Variants in NCOA3 observed in about 807,000 individuals in gnomAD.
NCOA3 encodes CBP-interacting protein.
In NCOA3, 51 loss-of-function variants were observed where a neutral mutation model predicts 158.8. That is an observed-to-expected ratio of 0.32 (90% CI 0.26 to 0.41). The LOEUF (loss-of-function observed/expected upper bound fraction) is 0.41, where lower values mean the gene tolerates loss of function less well. NCOA3 is among the 10% of genes least tolerant of loss of function. NCOA3 has a pLI of 1.00. For synonymous variants in NCOA3, 537 were observed against 592.4 expected, an observed-to-expected ratio of 0.91 and a Z score of 1.36; for missense variants, 1,510 against 1,746.6, an observed-to-expected ratio of 0.86 and a Z score of 2.41.
chr20:47,623,231 C>T (rs2086269858), intron 3 of NCOA3, among the ~76,000 whole-genome samples: 1 of 152,146 alleles, frequency 6.6e-6, no homozygotes. Context: ...AAATATCAAT[C>T]TACAATGAAT....
At chr20:47,571,013 T>C (rs2085286827) in intron 1 of NCOA3, among the ~76,000 whole-genome samples, 1 of 147,198 alleles carries the variant, frequency 6.8e-6, no homozygotes, top group African/African-American at 2.5e-5. Flanking sequence ...TATATACATT[T>C]TTTTTTTCCC....
intron 1 of NCOA3, among the ~76,000 whole-genome samples, chr20:47,534,117 G>A (rs2425945): frequency 0.15 from 22,867 of 149,084 alleles, 2,813 homozygotes; most frequent in African/African-American, 0.33. Flanking sequence ...TGGGGGGGGC[G>A]GGGGGTGAAG....
rs2085160857 is a variant in NCOA3, at chr20:47,564,520, A to G, written c.-98-18663A>G. ...ATCAAGTTGGAGTTTATATTCCCCT[A>G]TTGATGGTCATTATTTATTTCTCCT... On this transcript the variant is annotated intron_variant, in intron 1 of 22. Coordinates refer to ENST00000371998, the MANE Select transcript of NCOA3 (RefSeq NM_181659.3). 4.0e-5 allele frequency among the ~76,000 whole-genome samples: 6 copies of G among 149,992 alleles called. No individual in the cohort carries two copies. In the South Asian group the frequency reaches 1.1e-3, roughly 27 times the overall value.
intron 1 of NCOA3, among the ~76,000 whole-genome samples, chr20:47,502,499 G>A: frequency 6.6e-6 from 1 of 152,116 alleles, no homozygotes; most frequent in East Asian, 1.9e-4. Context: ...AGCCGGGTGA[G>A]ATTTGGTTGC....
Position 47,642,281 on chromosome 20 carries a change from A to G in NCOA3, c.3149A>G (p.Glu1050Gly), listed in dbSNP as rs780635900. The G allele has an allele frequency of 8.1e-6, 13 of 1,613,196 alleles. No individual in the cohort carries two copies. The highest frequency in any genetic ancestry group is 1.1e-5 in the Non-Finnish European group (13 of 1,179,806). The change falls in exon 17 of 23, where the codon GAA (glutamate) becomes GGA (glycine). Residue 1050 changes from glutamate (E) to glycine (G), a missense_variant. Glu to Gly is a moderately conservative substitution (Grantham distance 98, BLOSUM62 -2). This residue lies in a region of NCOA3 where 1,017 missense variants were observed against 1,098.3 expected (regional missense o/e 0.93). Coordinates refer to ENST00000371998, the MANE Select transcript of NCOA3 (RefSeq NM_181659.3). ...TCCAACCTGGAAGGCCAGAGTGACG[A>G]AAGAGCATTATTGGACCAGCTGCAC... ...PPSNLEGQSDERALLDQLHTL... is the reference protein window; with the variant it reads ...PPSNLEGQSDGRALLDQLHTL...
At chr20:47,599,733 C>T (rs1192193385) in intron 2 of NCOA3, among the ~76,000 whole-genome samples, 2 of 152,160 alleles carry the variant, frequency 1.3e-5, no homozygotes, top group African/African-American at 4.8e-5. Context: ...TTTTAAAAAA[C>T]CTTATTCAGT....
chr20:47,509,780 T>C (rs1390290064), intron 1 of NCOA3, among the ~76,000 whole-genome samples: 3 of 152,210 alleles, frequency 2.0e-5, no homozygotes, highest in Non-Finnish European at 4.4e-5. Context: ...TTGAAAATGT[T>C]ATAAGAGTTA....
At chr20:47,601,231 C>T (rs2085857345) in intron 2 of NCOA3, among the ~76,000 whole-genome samples, 1 of 152,156 alleles carries the variant, frequency 6.6e-6, no homozygotes, top group Admixed American at 6.5e-5. Context: ...TTTGTAACAA[C>T]CCACTCTTTA....
rs978464034 is a variant in NCOA3, at chr20:47,511,546, T to C, written c.-99+9527T>C. ...CGAGATATATATATATATATATATA[T>C]ATATATATATTTCTTTTTTTTTTTG... On this transcript the variant is annotated intron_variant, in intron 1 of 22. Coordinates refer to ENST00000371998, the MANE Select transcript of NCOA3 (RefSeq NM_181659.3). Among the ~76,000 whole-genome samples, 32 of 29,174 alleles carry C rather than the reference T, an allele frequency of 1.1e-3. 2 individuals are homozygous for C. Among genetic ancestry groups the C allele is most frequent in the African/African-American group, 1.5e-3 (24 of 15,500 alleles). 19.1% of individuals were successfully genotyped at this position (29,174 alleles called of 152,430 possible).
intron 1 of NCOA3, among the ~76,000 whole-genome samples, chr20:47,542,398 A>G (rs2084758757): frequency 6.6e-6 from 1 of 151,920 alleles, no homozygotes; most frequent in Non-Finnish European, 1.5e-5. Context: ...GTGGTTTTTC[A>G]GTGTGTCCTC....
rs571701504 is a variant in NCOA3 at position 47,522,132 on chromosome 20, T to G, written c.-99+20113T>G. Among the ~76,000 whole-genome samples, 33 of 117,398 alleles carry G rather than the reference T, an allele frequency of 2.8e-4. 1 individual carries two copies. In the East Asian group the frequency reaches 6.5e-3, roughly 23 times the overall value. 77.0% of individuals were successfully genotyped at this position (117,398 alleles called of 152,430 possible). On this transcript the variant is annotated intron_variant, in intron 1 of 22. Transcript: ENST00000371998. ...TTTTTTTTTTTTTTTTGAGACGGAG[T>G]CTTGCTGTCTCCTAGGCTGGAGTGC... is the stretch of plus-strand genomic sequence containing the variant.
In NCOA3 at chr20:47,628,023, G is replaced by A; in HGVS notation, c.823G>A (p.Gly275Arg). Residue 275 changes from glycine (G) to arginine (R), a missense_variant and splice_region_variant, in exon 8 of 23, where the codon GGA becomes AGA. Gly to Arg is a moderately radical substitution (Grantham distance 125). Around this residue, in one of 4 missense-constraint regions of NCOA3, gnomAD observed 309 missense variants for 427.1 expected, o/e 0.72. Coordinates refer to ENST00000371998, the MANE Select transcript of NCOA3 (RefSeq NM_181659.3). ...CTTTATTACCAGACATGATCTTTCA[G>A]GTAAAAACTCTTTTTTTGTCTCTCT... is the stretch of plus-strand genomic sequence containing the variant. ...ESFITRHDLSGKVVNIDTNSL... is the reference protein window; with the variant it reads ...ESFITRHDLSRKVVNIDTNSL... The A allele has an allele frequency of 6.2e-7, 1 of 1,609,668 alleles. No homozygotes were observed. The highest frequency in any genetic ancestry group is 8.5e-7 in the Non-Finnish European group (1 of 1,176,266).
At chr20:47,649,450 A>G (rs1224449128) in intron 19 of NCOA3, among the ~76,000 whole-genome samples, 1 of 152,206 alleles carries the variant, frequency 6.6e-6, no homozygotes, top group Admixed American at 6.5e-5. Flanking sequence ...TGGATTATGA[A>G]ACAACATGCA....
At chr20:47,580,156 C>T (rs193000051) in intron 1 of NCOA3, among the ~76,000 whole-genome samples, 34 of 152,232 alleles carry the variant, frequency 2.2e-4, no homozygotes, top group African/African-American at 7.2e-4. Flanking sequence ...TTGAGAAGTA[C>T]GAAGACCAGC....
At chr20:47,554,206 A>C (rs2084966893) in intron 1 of NCOA3, among the ~76,000 whole-genome samples, 1 of 152,120 alleles carries the variant, frequency 6.6e-6, no homozygotes, top group Non-Finnish European at 1.5e-5. Context: ...TCTTTTGAGA[A>C]GTGTCTGTTT....
chr20:47,542,026 T>TG (rs1453419660), intron 1 of NCOA3, among the ~76,000 whole-genome samples: 125 of 128,606 alleles, frequency 9.7e-4, no homozygotes, highest in African/African-American at 2.8e-3. Flanking sequence ...TTTTTTTTTT[T>TG]TTTTGTTGTT....
chr20:47,504,284 G>C (rs2083988216), intron 1 of NCOA3, among the ~76,000 whole-genome samples: 1 of 152,074 alleles, frequency 6.6e-6, no homozygotes, highest in African/African-American at 2.4e-5. Context: ...TCTAAAAAGT[G>C]CCACGCACCT....
chr20:47,510,951 C>CT (rs1480586453), intron 1 of NCOA3, among the ~76,000 whole-genome samples: 1 of 152,036 alleles, frequency 6.6e-6, no homozygotes, highest in Non-Finnish European at 1.5e-5. Flanking sequence ...CTTCAATCAT[C>CT]TTTAATTTGC....
chr20:47,532,110 T>TGTGTGTGTG (rs2084556564), intron 1 of NCOA3, among the ~76,000 whole-genome samples: 3 of 147,402 alleles, frequency 2.0e-5, no homozygotes, highest in African/African-American at 7.6e-5. Context: ...AGGGGGGGAC[T>TGTGTGTGTG]TGTGTGTGTG....
Sources: gnomAD v4.1 joint callset for allele counts (sites outside exome capture counted in the v4.1 genomes callset) on GRCh38, gnomAD v4.1.1 for gene constraint, gnomAD v4.1.1 regional missense constraint, MANE v1.5 for transcripts, NCBI Gene and HGNC (gene_info 2026-07-23, HGNC 2026-07-21) for gene names.